The following R3HCC1 variants were observed in gnomAD, a reference collection of about 807,000 sequenced individuals.
The protein encoded by R3HCC1 is R3H and coiled-coil domain-containing protein 1.
A neutral mutation model predicts 40.0 loss-of-function variants in R3HCC1; 32 were observed. That is an observed-to-expected ratio of 0.80 (90% CI 0.60 to 1.07). The LOEUF is 1.07. Among genes scored for constraint, R3HCC1 ranks in the 50% least tolerant of loss-of-function variants. The probability of loss-of-function intolerance (pLI) is 0.00; values close to 1 mark genes in which losing one functional copy is unlikely to be tolerated. For missense variants in R3HCC1, 586 were observed against 563.3 expected (o/e 1.04, Z -0.41); for synonymous variants, 237 against 232.8 (o/e 1.02, Z -0.17).
intron 2 of R3HCC1, 86 bp from the exon 3 acceptor site, chr8:23,288,930 T>A: frequency 7.1e-7 from 1 of 1,406,196 alleles, no homozygotes; most frequent in Non-Finnish European, 9.6e-7. Flanking sequence ...GGGAGCCCAG[T>A]GTTAATCCGC....
At chr8:23,293,438 C>T in intron 6 of R3HCC1, 65 bp downstream of exon 6, 2 of 1,320,774 alleles carry the variant, frequency 1.5e-6, no homozygotes, top group Non-Finnish European at 2.1e-6. Flanking sequence ...ACCCTTGGTT[C>T]CCTGGGTAGA....
In R3HCC1 at chr8:23,290,489, C is replaced by T. The variant is rs757841151; in HGVS notation, c.852+20C>T. 119 of 1,535,588 alleles carry T rather than the reference C, an allele frequency of 7.7e-5. 1 individual carries two copies. The highest frequency in any genetic ancestry group is 1.8e-4 in the Middle Eastern group (1 of 5,422). ...CAGGAGGTGATGAGGCTCTTGAGCC[C>T]GAAAAGGGAGGGCGGAGGTGAGGTG... On this transcript the variant is annotated intron_variant, in intron 4 of 7. Coordinates refer to ENST00000265806, the MANE Select transcript of R3HCC1 (RefSeq NM_001136108.3).
intron 5 of R3HCC1, 44 bp from the exon 6 acceptor site, chr8:23,293,259 C>T (rs1160961923): frequency 1.3e-6 from 2 of 1,519,390 alleles, no homozygotes; most frequent in Non-Finnish European, 1.8e-6. Flanking sequence ...AGGAGTTTGA[C>T]TGCTTGCTTT....
intron 5 of R3HCC1, among the ~76,000 whole-genome samples, chr8:23,292,498 C>T (rs950073440): frequency 4.6e-5 from 7 of 152,156 alleles, no homozygotes. Flanking sequence ...CCTGTAGTCC[C>T]AGCTACTCGG....
intron 1 of R3HCC1, 94 bp from the exon 2 acceptor site, chr8:23,288,412 G>A: frequency 2.0e-6 from 3 of 1,481,894 alleles, no homozygotes; most frequent in East Asian, 2.5e-5. Context: ...TGGACCAGAG[G>A]GTTTCTAAGG....
At chr8:23,293,271 C>T (rs1158424981) in intron 5 of R3HCC1, 32 bp from the exon 6 acceptor site, 3 of 1,538,774 alleles carry the variant, frequency 1.9e-6, no homozygotes. Flanking sequence ...GCTTGCTTTC[C>T]TGAATGTGCT....
intron 3 of R3HCC1, 134 bp downstream of exon 3, chr8:23,289,287 C>T: frequency 9.9e-7 from 1 of 1,006,314 alleles, no homozygotes; most frequent in South Asian, 1.6e-5. Flanking sequence ...CTAGCTGCAG[C>T]TGCTCAGCCA....
intron 3 of R3HCC1, 42 bp downstream of exon 3, chr8:23,289,195 G>C (rs1209299854): frequency 2.0e-6 from 3 of 1,529,414 alleles, no homozygotes; most frequent in East Asian, 4.9e-5. Context: ...GCGGTGGTGT[G>C]TGGGTGGCCA....
At position 23,295,974 on chromosome 8, in the gene R3HCC1, G is replaced by C; in HGVS notation, c.1200G>C (p.Leu400=). Residue 400 remains leucine, a synonymous_variant, in exon 8 of 8, where the codon CTG becomes CTC. Transcript: ENST00000265806. ...GTGGGGCTTTCCTTCTAGAACTCCT[G>C]CGTCTGGTGAAGGAGAGGCCACAGA... is the stretch of plus-strand genomic sequence containing the variant. The C allele has an allele frequency of 6.5e-7, 1 of 1,549,702 alleles. No individual in the cohort carries two copies. Among genetic ancestry groups the C allele is most frequent in the Non-Finnish European group, 8.7e-7 (1 of 1,146,314 alleles).
At position 23,296,136 on chromosome 8, in the gene R3HCC1, G is replaced by C; in HGVS notation, c.*39G>C. On this transcript the variant is annotated 3_prime_UTR_variant, in exon 8 of 8. Coordinates refer to ENST00000265806, the MANE Select transcript of R3HCC1 (RefSeq NM_001136108.3). ...AACTGGCCTGGATCTGCGTCCCGAC[G>C]TAGCTGGCGCCCCCAACACCATAAG... 6.5e-7 allele frequency: 1 copy of C among 1,530,096 alleles called. No individual in the cohort carries two copies. The highest frequency in any genetic ancestry group is 2.5e-5 in the East Asian group (1 of 40,662). 94.8% of individuals were successfully genotyped at this position (1,530,096 alleles called of 1,614,324 possible).
In R3HCC1 at chr8:23,288,578, G is replaced by T; in HGVS notation, c.55G>T (p.Val19Phe). ...CCTCTCCTCAGCCGAGAATGACTTC[G>T]TCCACCGGATCCAGGAGGAACTGGA... is the stretch of plus-strand genomic sequence containing the variant. Residue 19 changes from valine (V) to phenylalanine (F), a missense_variant, in exon 2 of 8, where the codon GTC becomes TTC. Transcript: ENST00000265806. The T allele has an allele frequency of 6.5e-7, 1 of 1,535,978 alleles. No individual in the cohort carries two copies. Among genetic ancestry groups the T allele is most frequent in the Non-Finnish European group, 8.7e-7 (1 of 1,146,894 alleles).
At chr8:23,295,428 A>T (rs1391116954) in intron 7 of R3HCC1, 4 of 456,486 alleles carry the variant, frequency 8.8e-6, no homozygotes, top group Non-Finnish European at 1.8e-5. Context: ...GATAACCGTT[A>T]TAGCGCCTCC....
intron 1 of R3HCC1, 46 bp from the exon 2 acceptor site, chr8:23,288,460 C>CG: frequency 6.5e-7 from 1 of 1,529,456 alleles, no homozygotes; most frequent in Non-Finnish European, 8.8e-7. Context: ...GCGGGAGATC[C>CG]GGGGGTCTGT....
chr8:23,293,429 C>G, intron 6 of R3HCC1, 56 bp downstream of exon 6: 3 of 1,363,672 alleles, frequency 2.2e-6, no homozygotes, highest in East Asian at 5.0e-5. Flanking sequence ...AGAGGGAGGA[C>G]CCTTGGTTCC....
chr8:23,291,634 A>G (rs1585333476), intron 5 of R3HCC1, 101 bp downstream of exon 5: 1 of 1,487,038 alleles, frequency 6.7e-7, no homozygotes. Flanking sequence ...CTAATGCTTC[A>G]GCAAGAGAGA....
At chr8:23,290,649 C>A (rs1406465026) in intron 4 of R3HCC1, among the ~76,000 whole-genome samples, 180 bp downstream of exon 4, 3 of 152,002 alleles carry the variant, frequency 2.0e-5, no homozygotes, top group Non-Finnish European at 2.9e-5. Flanking sequence ...ATTTGGGTCC[C>A]AGCCCAGCCA....
intron 7 of R3HCC1, chr8:23,295,484 C>T (rs538105077): frequency 1.7e-5 from 8 of 457,738 alleles, no homozygotes; most frequent in East Asian, 1.4e-4. Context: ...ATTTTAGACA[C>T]GAGTTTTCCA....
chr8:23,296,075 T>G lies in R3HCC1; in HGVS notation c.1301T>G (p.Val434Gly), dbSNP rs1243231807. The stretch of plus-strand genomic sequence containing the variant: ...CACAAAAAGAAAGAGCGGCCTGCTG[T>G]CCGGGGTCCGCTGCCGCCCTGAGGC... Residue 434 changes from valine (V) to glycine (G), a missense_variant, in exon 8 of 8, where the codon GTC (valine) becomes GGC (glycine). Coordinates refer to ENST00000265806, the MANE Select transcript of R3HCC1 (RefSeq NM_001136108.3). 3.9e-6 allele frequency: 6 copies of G among 1,550,308 alleles called. No homozygotes were observed. The highest frequency in any genetic ancestry group is 5.2e-6 in the Non-Finnish European group (6 of 1,146,856).
intron 1 of R3HCC1, 116 bp from the exon 2 acceptor site, chr8:23,288,390 G>T: frequency 7.2e-7 from 1 of 1,397,730 alleles, no homozygotes; most frequent in East Asian, 2.6e-5. Context: ...TCACTTCCCC[G>T]CCACCGAGCC....
Sources: gnomAD v4.1 joint callset for allele counts (sites outside exome capture counted in the v4.1 genomes callset) on GRCh38, gnomAD v4.1.1 for gene constraint, MANE v1.5 for transcripts, NCBI Gene and HGNC (gene_info 2026-07-23, HGNC 2026-07-21) for gene names.